Variants in RANBP2 observed in about 807,000 individuals in gnomAD.
RANBP2 encodes the protein RAN binding protein 2.
A neutral mutation model predicts 303.6 loss-of-function variants in RANBP2; 57 were observed. The ratio of observed to expected loss-of-function variants is 0.19; its 90% CI spans 0.15 to 0.23. The LOEUF (loss-of-function observed/expected upper bound fraction) is 0.23. Among genes scored for constraint, RANBP2 ranks in the 10% least tolerant of loss-of-function variants. The pLI, the probability that RANBP2 is intolerant of heterozygous loss-of-function variation, is 1.00. For synonymous variants in RANBP2, 1,167 were observed against 1,301.5 expected, an observed-to-expected ratio of 0.90 and a Z score of 2.23; for missense variants, 3,138 against 3,780.8, an observed-to-expected ratio of 0.83 and a Z score of 4.46.
At chr2:109,368,176 G>A in the RANBP2 span, among the ~76,000 whole-genome samples, 2 of 151,880 alleles carry the variant, frequency 1.3e-5, no homozygotes, top group African/African-American at 4.8e-5. Flanking sequence ...GTTTTTTTAA[G>A]TCTTTATACA....
At chr2:109,663,610 T>C in the RANBP2 span, among the ~76,000 whole-genome samples, 2 of 152,170 alleles carry the variant, frequency 1.3e-5, no homozygotes, top group African/African-American at 4.8e-5. Context: ...ACAGAGCTCA[T>C]GGCAATGCTG....
At chr2:109,477,623 TG>T in the RANBP2 span, among the ~76,000 whole-genome samples, 1 of 151,856 alleles carries the variant, frequency 6.6e-6, no homozygotes, top group Admixed American at 6.6e-5. Context: ...GGTGTGTGTG[TG>T]TGTGTGTGTG....
the RANBP2 span, among the ~76,000 whole-genome samples, chr2:109,515,427 A>G: frequency 6.6e-6 from 1 of 151,926 alleles, no homozygotes; most frequent in Non-Finnish European, 1.5e-5. Context: ...GCTTCATCTC[A>G]TGGCTGGCCA....
At chr2:109,126,539 A>G in the RANBP2 span, among the ~76,000 whole-genome samples, 1 of 152,186 alleles carries the variant, frequency 6.6e-6, no homozygotes, top group Non-Finnish European at 1.5e-5. Flanking sequence ...GGTCCATACT[A>G]GTGATAGAGT....
the RANBP2 span, among the ~76,000 whole-genome samples, chr2:109,272,811 G>T: frequency 6.6e-6 from 1 of 152,170 alleles, no homozygotes; most frequent in East Asian, 1.9e-4. Flanking sequence ...TGCCGCACAC[G>T]CAGGACGTCA....
chr2:108,955,997 C>T, the RANBP2 span, among the ~76,000 whole-genome samples: 1 of 151,790 alleles, frequency 6.6e-6, no homozygotes, highest in Non-Finnish European at 1.5e-5. Flanking sequence ...CCACTGTACT[C>T]CAGCCTGGGC....
chr2:109,255,933 A>C, the RANBP2 span, among the ~76,000 whole-genome samples: 3 of 152,174 alleles, frequency 2.0e-5, no homozygotes, highest in African/African-American at 7.2e-5. Context: ...AAGGAAGGGG[A>C]AGAGGAAGTG....
chr2:108,721,093 A>G (rs1387481896), intron 1 of RANBP2, among the ~76,000 whole-genome samples: 1 of 152,182 alleles, frequency 6.6e-6, no homozygotes, highest in Non-Finnish European at 1.5e-5. Context: ...ACGGATGACC[A>G]TGATTATAAT....
chr2:109,409,229 A>T, the RANBP2 span, among the ~76,000 whole-genome samples: 3 of 152,234 alleles, frequency 2.0e-5, no homozygotes, highest in Non-Finnish European at 2.9e-5. Context: ...TGGCCCAGTA[A>T]GACAAAGGCA....
At chr2:108,749,973 A>G (rs947299751) in intron 9 of RANBP2, among the ~76,000 whole-genome samples, 1 of 152,082 alleles carries the variant, frequency 6.6e-6, no homozygotes, top group Non-Finnish European at 1.5e-5. Flanking sequence ...AACATGGTGA[A>G]ACCCCGTCTC....
At chr2:109,580,287 A>T in the RANBP2 span, among the ~76,000 whole-genome samples, 2 of 151,710 alleles carry the variant, frequency 1.3e-5, no homozygotes, top group African/African-American at 4.8e-5. Context: ...TAAAAAAATC[A>T]GTTACTCTAA....
chr2:109,129,584 C>T, the RANBP2 span: 7 of 1,483,230 alleles, frequency 4.7e-6, no homozygotes, highest in Admixed American at 9.3e-5. Context: ...AAGGCGGCCG[C>T]CGCTGCTGCG....
At chr2:109,446,132 A>AT in the RANBP2 span, among the ~76,000 whole-genome samples, 3 of 152,088 alleles carry the variant, frequency 2.0e-5, no homozygotes. Context: ...GTGGGTGAAA[A>AT]TAAGGGTAAA....
the RANBP2 span, chr2:108,897,183 G>A: frequency 6.2e-7 from 1 of 1,613,800 alleles, no homozygotes; most frequent in Non-Finnish European, 8.5e-7. Flanking sequence ...TGAGCATTCG[G>A]CTAGTCTTCT....
In RANBP2 at chr2:108,782,692, T is replaced by G. The variant is rs778412296; in HGVS notation, c.9199T>G (p.Phe3067Val). The stretch of plus-strand genomic sequence containing the variant: ...ATCAAAGGAGACCAATCCTGTGGTG[T>G]TTTTTGATGTTTGTGCGGACGGTGA... ...ELSKETNPVV[F>V]FDVCADGEPL... The change falls in exon 28 of 29, where the codon TTT (phenylalanine) becomes GTT (valine). Residue 3067 changes from phenylalanine (F) to valine (V), a missense_variant. Around this residue, in one of 20 missense-constraint regions of RANBP2, gnomAD observed 204 missense variants for 228.4 expected, o/e 0.89. Coordinates refer to ENST00000283195, the MANE Select transcript of RANBP2 (RefSeq NM_006267.5). The G allele has an allele frequency of 1.2e-6, 2 of 1,614,192 alleles. No homozygotes were observed. Among genetic ancestry groups the G allele is most frequent in the Non-Finnish European group, 1.7e-6 (2 of 1,180,034 alleles).
At chr2:109,068,533 C>A in the RANBP2 span, among the ~76,000 whole-genome samples, 1 of 152,214 alleles carries the variant, frequency 6.6e-6, no homozygotes, top group Admixed American at 6.5e-5. Flanking sequence ...CTGGCACATA[C>A]ACAGCACTGG....
At chr2:108,795,779 T>C in the RANBP2 span, among the ~76,000 whole-genome samples, 1 of 152,130 alleles carries the variant, frequency 6.6e-6, no homozygotes, top group Non-Finnish European at 1.5e-5. Context: ...TGAAAAGCAG[T>C]GATTGTCCAA....
At chr2:109,608,334 A>G in the RANBP2 span, among the ~76,000 whole-genome samples, 1 of 152,190 alleles carries the variant, frequency 6.6e-6, no homozygotes, top group Admixed American at 6.5e-5. Context: ...CTAATATTTC[A>G]CAATTTGTGA....
At chr2:109,300,479 C>T in the RANBP2 span, among the ~76,000 whole-genome samples, 846 of 152,290 alleles carry the variant, frequency 5.6e-3, 8 homozygotes, top group African/African-American at 0.019. Flanking sequence ...TGCGCCCATC[C>T]GCACCCTGAG....
Sources: allele counts gnomAD v4.1 joint callset (sites outside exome capture counted in the v4.1 genomes callset), GRCh38; gene constraint gnomAD v4.1.1; regional missense constraint gnomAD v4.1.1; transcripts MANE v1.5; gene names NCBI Gene and HGNC (gene_info 2026-07-23, HGNC 2026-07-21).